The following FBXO11 variants were observed in gnomAD, a reference collection of about 807,000 sequenced individuals.
FBXO11 encodes F-box only protein 11.
In FBXO11, 13 loss-of-function variants were observed where a neutral mutation model predicts 117.0. The observed-to-expected ratio is 0.11, with a 90% CI of 0.07 to 0.18. The LOEUF (loss-of-function observed/expected upper bound fraction) is 0.18. Ranked by LOEUF, FBXO11 falls within the 10% of genes least tolerant of loss-of-function variation. The pLI, the probability that FBXO11 is intolerant of heterozygous loss-of-function variation, is 1.00. For missense variants in FBXO11, 767 were observed against 1,164.4 expected, an observed-to-expected ratio of 0.66 and a Z score of 4.97; for synonymous variants, 490 against 380.5, an observed-to-expected ratio of 1.29 and a Z score of -3.35.
At chr2:47,811,119 C>G (rs911033607) in intron 18 of FBXO11, 3 of 152,256 alleles carry the variant, frequency 2.0e-5, no homozygotes, top group Non-Finnish European at 4.4e-5. Flanking sequence ...TTCTTGGGGT[C>G]CTCCTCCTGT....
chr2:47,893,153 C>A (rs1335779203), intron 1 of FBXO11, among the ~76,000 whole-genome samples: 4 of 130,212 alleles, frequency 3.1e-5, no homozygotes, highest in African/African-American at 8.2e-5. Context: ...TACTCTGTCT[C>A]AAAAAAAATA....
rs1284154244 is a variant in FBXO11 at position 47,846,296 on chromosome 2, C to T, written c.233-6527G>A. ...CAGCCTGGCCAACATGGAGAAACTCCGTCTCTACTAAAAATACAAAATTAG... is the reference window on the plus strand; with the variant it reads ...CAGCCTGGCCAACATGGAGAAACTCTGTCTCTACTAAAAATACAAAATTAG... On this transcript the variant is annotated intron_variant, in intron 1 of 22. Coordinates refer to ENST00000403359, the MANE Select transcript of FBXO11 (RefSeq NM_001190274.2). 3.3e-5 allele frequency among the ~76,000 whole-genome samples: 5 copies of T among 152,056 alleles called. No homozygotes were observed. In the East Asian group the frequency reaches 7.7e-4, roughly 24 times the overall value.
intron 1 of FBXO11, among the ~76,000 whole-genome samples, chr2:47,853,179 C>T (rs1377719724): frequency 6.6e-6 from 1 of 151,798 alleles, no homozygotes; most frequent in African/African-American, 2.4e-5. Flanking sequence ...TCAAGCCATT[C>T]TCCTGCCTCA....
rs546411030 is a variant in FBXO11, at chr2:47,879,105, A to T, written c.232+26384T>A. 3.9e-5 allele frequency among the ~76,000 whole-genome samples: 6 copies of T among 152,308 alleles called. No homozygotes were observed. The South Asian group carries it at 1.2e-3, about 32-fold the overall frequency. ...TGAGTGTAAAAAAAATATGAATATA[A>T]ATTATGCAGCCCCAGAATTTTGCCT... is the stretch of plus-strand genomic sequence containing the variant. On this transcript the variant is annotated intron_variant, in intron 1 of 22. Coordinates refer to ENST00000403359, the MANE Select transcript of FBXO11 (RefSeq NM_001190274.2).
intron 1 of FBXO11, among the ~76,000 whole-genome samples, chr2:47,875,551 AGAG>A (rs1217967423): frequency 1.3e-5 from 2 of 151,592 alleles, no homozygotes; most frequent in African/African-American, 4.8e-5. Flanking sequence ...TAAAATTCCT[AGAG>A]TAGTAAAATA....
intron 19 of FBXO11, chr2:47,810,040 T>A (rs1670508355): frequency 2.0e-6 from 1 of 497,734 alleles, no homozygotes; most frequent in African/African-American, 2.0e-5. Flanking sequence ...AATCTATCTG[T>A]ATTCCTAGTG....
chr2:47,881,704 G>A (rs185729474), intron 1 of FBXO11, among the ~76,000 whole-genome samples: 1 of 151,866 alleles, frequency 6.6e-6, no homozygotes, highest in East Asian at 1.9e-4. Flanking sequence ...TATCATCAGG[G>A]TATACAATAT....
At chr2:47,820,948 T>C (rs968820952) in intron 13 of FBXO11, among the ~76,000 whole-genome samples, 1 of 152,192 alleles carries the variant, frequency 6.6e-6, no homozygotes, top group Admixed American at 6.5e-5. Flanking sequence ...CACACAGATA[T>C]CTACTGATTG....
chr2:47,860,451 C>T (rs1182502729), intron 1 of FBXO11, among the ~76,000 whole-genome samples: 1 of 150,418 alleles, frequency 6.6e-6, no homozygotes, highest in African/African-American at 2.5e-5. Context: ...GGCTCTGTCG[C>T]CCAGAGTGGA....
intron 4 of FBXO11, among the ~76,000 whole-genome samples, chr2:47,836,283 GCA>G (rs1243706464): frequency 6.6e-6 from 1 of 152,056 alleles, no homozygotes; most frequent in Admixed American, 6.5e-5. Context: ...GTGTCACCAC[GCA>G]CAGCTAAAAA....
At chr2:47,854,125 A>G (rs1674089716) in intron 1 of FBXO11, among the ~76,000 whole-genome samples, 1 of 152,250 alleles carries the variant, frequency 6.6e-6, no homozygotes, top group Non-Finnish European at 1.5e-5. Context: ...AAGTATGTTC[A>G]CTTAGAAAAT....
intron 1 of FBXO11, among the ~76,000 whole-genome samples, chr2:47,870,461 T>C (rs149041691): frequency 1.1e-4 from 16 of 152,310 alleles, no homozygotes; most frequent in African/African-American, 1.4e-4. Flanking sequence ...CCTAATTCAA[T>C]AGGACTAGTG....
intron 1 of FBXO11, among the ~76,000 whole-genome samples, chr2:47,899,240 C>T (rs1677912641): frequency 6.8e-6 from 1 of 146,600 alleles, no homozygotes; most frequent in Admixed American, 6.9e-5. Flanking sequence ...CGCCACTGTA[C>T]TCCAGCCTGG....
chr2:47,835,548 G>C (rs1028441407), intron 5 of FBXO11, among the ~76,000 whole-genome samples: 2 of 152,012 alleles, frequency 1.3e-5, no homozygotes, highest in East Asian at 1.9e-4. Flanking sequence ...GCCCAGGCTG[G>C]AGTGCAGCAG....
At chr2:47,902,146 G>A (rs1190605774) in intron 1 of FBXO11, among the ~76,000 whole-genome samples, 1 of 152,042 alleles carries the variant, frequency 6.6e-6, no homozygotes, top group Non-Finnish European at 1.5e-5. Context: ...ACGTTGGCCA[G>A]GCTGGTCTTG....
Position 47,839,503 on chromosome 2 carries a change from T to C in FBXO11, c.361-3A>G, listed in dbSNP as rs766581525. 6.2e-7 allele frequency: 1 copy of C among 1,613,334 alleles called. No individual in the cohort carries two copies. The highest frequency in any genetic ancestry group is 2.2e-5 in the East Asian group (1 of 44,872). ...TCTGTAGTTGAAGTTGAGGCGCCCTTCAAAAACAAAACAGAAACTAGTAAA... is the reference window on the plus strand; with the variant it reads ...TCTGTAGTTGAAGTTGAGGCGCCCTCCAAAAACAAAACAGAAACTAGTAAA... On this transcript the variant is annotated splice_region_variant and splice_polypyrimidine_tract_variant and intron_variant, in intron 2 of 22. Transcript: ENST00000403359.
At chr2:47,821,438 G>A (rs1337540848) in intron 13 of FBXO11, among the ~76,000 whole-genome samples, 3 of 151,886 alleles carry the variant, frequency 2.0e-5, no homozygotes, top group African/African-American at 7.3e-5. Flanking sequence ...GTGAAACCCC[G>A]TCTCTACTAA....
chr2:47,891,245 C>T (rs1440813483), intron 1 of FBXO11, among the ~76,000 whole-genome samples: 2 of 152,176 alleles, frequency 1.3e-5, no homozygotes, highest in Non-Finnish European at 2.9e-5. Context: ...TCCTGCTTAA[C>T]TGAAACTTCA....
chr2:47,857,783 T>A (rs930356307), intron 1 of FBXO11, among the ~76,000 whole-genome samples: 1 of 152,168 alleles, frequency 6.6e-6, no homozygotes, highest in Non-Finnish European at 1.5e-5. Flanking sequence ...TATACAAAAC[T>A]GGCAGACGCA....
Sources: gnomAD v4.1 joint callset for allele counts (sites outside exome capture counted in the v4.1 genomes callset) on GRCh38, gnomAD v4.1.1 for gene constraint, MANE v1.5 for transcripts, NCBI Gene and HGNC (gene_info 2026-07-23, HGNC 2026-07-21) for gene names.